Variants in SLC1A1 observed in about 807,000 individuals in gnomAD.
SLC1A1 encodes the protein solute carrier family 1 member 1, also known as excitatory amino acid transporter 3.
A neutral mutation model predicts 53.3 loss-of-function variants in SLC1A1; 43 were observed. The observed-to-expected ratio is 0.81, with a 90% CI of 0.63 to 1.04. The LOEUF is 1.04. SLC1A1 is among the 50% of genes least tolerant of loss of function. The probability of loss-of-function intolerance (pLI) is 0.00; values close to 1 mark genes in which losing one functional copy is unlikely to be tolerated. For synonymous variants in SLC1A1, 307 were observed against 243.2 expected (o/e 1.26, Z -2.44); for missense variants, 748 against 664.9 (o/e 1.12, Z -1.37).
chr9:4,572,800 C>A (rs1477760937), intron 7 of SLC1A1, among the ~76,000 whole-genome samples: 2 of 152,196 alleles, frequency 1.3e-5, no homozygotes. Flanking sequence ...CTACCCACTT[C>A]ATCCTCCCAA....
At chr9:4,560,981 G>C (rs189627387) in intron 2 of SLC1A1, among the ~76,000 whole-genome samples, 30 of 150,258 alleles carry the variant, frequency 2.0e-4, no homozygotes, top group African/African-American at 6.3e-4. Context: ...GGGTGACAGA[G>C]TAAGACTCTG....
At chr9:4,566,123 C>A in intron 5 of SLC1A1, 34 bp downstream of exon 5, 2 of 1,566,414 alleles carry the variant, frequency 1.3e-6, no homozygotes, top group Non-Finnish European at 1.8e-6. Flanking sequence ...TAACTTGCTA[C>A]CCTCTTCCCA....
At chr9:4,528,490 G>A (rs984813110) in intron 1 of SLC1A1, among the ~76,000 whole-genome samples, 2 of 152,076 alleles carry the variant, frequency 1.3e-5, no homozygotes, top group African/African-American at 4.8e-5. Context: ...GCAGGAGAAT[G>A]GCGTGAACCC....
chr9:4,496,109 G>C (rs948306930), intron 1 of SLC1A1, among the ~76,000 whole-genome samples: 12 of 152,166 alleles, frequency 7.9e-5, no homozygotes, highest in Non-Finnish European at 1.0e-4. Context: ...AGGGAGAAGA[G>C]AAGACCAAAG....
chr9:4,514,533 G>C (rs748581412), intron 1 of SLC1A1, among the ~76,000 whole-genome samples: 3 of 152,150 alleles, frequency 2.0e-5, no homozygotes, highest in African/African-American at 7.2e-5. Flanking sequence ...CACTTGGGCT[G>C]AGTTTTGAAG....
intron 1 of SLC1A1, among the ~76,000 whole-genome samples, chr9:4,517,521 G>T (rs150507790): frequency 1.3e-5 from 2 of 152,304 alleles, no homozygotes; most frequent in East Asian, 3.9e-4. Flanking sequence ...TGTGTTCCAC[G>T]TGCTGATTTC....
chr9:4,580,753 T>TA (rs954401760), intron 10 of SLC1A1, among the ~76,000 whole-genome samples: 3 of 151,852 alleles, frequency 2.0e-5, no homozygotes, highest in Non-Finnish European at 4.4e-5. Context: ...GTAGTTGTTG[T>TA]AATAGTTGTT....
chr9:4,502,381 T>A (rs903862443), intron 1 of SLC1A1, among the ~76,000 whole-genome samples: 11 of 83,632 alleles, frequency 1.3e-4, no homozygotes, highest in Non-Finnish European at 2.1e-4. Context: ...AATGAGACCC[T>A]GTCTCCAGAA....
chr9:4,559,740 A>G (rs1281461250), intron 2 of SLC1A1: 1 of 152,084 alleles, frequency 6.6e-6, no homozygotes, highest in African/African-American at 2.4e-5. Flanking sequence ...ATGCAAAATC[A>G]TTTTCTATAA....
intron 1 of SLC1A1, among the ~76,000 whole-genome samples, chr9:4,518,045 T>TG (rs1815923123): frequency 6.6e-6 from 1 of 151,770 alleles, no homozygotes; most frequent in Admixed American, 6.6e-5. Context: ...CTGGCCAACA[T>TG]GGGGAAACTC....
Position 4,549,076 on chromosome 9 carries a change from AC to A in SLC1A1, c.232+4370del, listed in dbSNP as rs1318728108. Among the ~76,000 whole-genome samples, 1 of 152,188 alleles carries A rather than the reference AC, an allele frequency of 6.6e-6. No homozygotes were observed. The highest frequency in any genetic ancestry group is 2.4e-5 in the African/African-American group (1 of 41,456). ...TTTAAATTCAGGTCACATTTTCTTT[AC>A]TACTTCCCAAAATTAAACTATGATG... is the stretch of plus-strand genomic sequence containing the variant. On this transcript the variant is annotated intron_variant, in intron 2 of 11. Coordinates refer to ENST00000262352, the MANE Select transcript of SLC1A1 (RefSeq NM_004170.6). The surrounding 1 kb of genome is among the most constrained non-coding windows in gnomAD (Gnocchi z 4.1).
intron 1 of SLC1A1, among the ~76,000 whole-genome samples, chr9:4,492,335 G>A (rs1363436560): frequency 6.6e-6 from 1 of 152,090 alleles, no homozygotes; most frequent in Non-Finnish European, 1.5e-5. Flanking sequence ...ACTGAGAGAT[G>A]CCAGGGCAAG....
chr9:4,500,691 TA>T (rs1820601753), intron 1 of SLC1A1, among the ~76,000 whole-genome samples: 1 of 152,172 alleles, frequency 6.6e-6, no homozygotes, highest in Non-Finnish European at 1.5e-5. Context: ...TACTCTGTTG[TA>T]ATTAGTACAG....
At chr9:4,558,819 T>A (rs1446209255) in intron 2 of SLC1A1, among the ~76,000 whole-genome samples, 2 of 152,122 alleles carry the variant, frequency 1.3e-5, no homozygotes, top group African/African-American at 4.8e-5. Context: ...AAACTGGACA[T>A]CTACCAAAGA....
chr9:4,501,632 T>C (rs1820634896), intron 1 of SLC1A1, among the ~76,000 whole-genome samples: 1 of 151,486 alleles, frequency 6.6e-6, no homozygotes. Context: ...GGTATGGTGG[T>C]GCATGCCTGT....
chr9:4,509,151 G>A (rs1459474025), intron 1 of SLC1A1, among the ~76,000 whole-genome samples: 1 of 152,046 alleles, frequency 6.6e-6, no homozygotes. Context: ...GGCGATCTGT[G>A]TGAACAAGAG....
In SLC1A1 at chr9:4,522,314, G is replaced by A. The variant is rs1193606161; in HGVS notation, c.92-22253G>A. The stretch of plus-strand genomic sequence containing the variant: ...GATCTGCCCGCCTCAGCCTCCCAAA[G>A]TGCTGGGATTACAGGTGTGAGCCAC... On this transcript the variant is annotated intron_variant, in intron 1 of 11. Transcript: ENST00000262352. 2.0e-5 allele frequency among the ~76,000 whole-genome samples: 3 copies of A among 152,148 alleles called. No homozygotes were observed. In the South Asian group the frequency reaches 6.2e-4, roughly 32 times the overall value.
At chr9:4,528,029 C>T (rs1816325171) in intron 1 of SLC1A1, among the ~76,000 whole-genome samples, 1 of 152,194 alleles carries the variant, frequency 6.6e-6, no homozygotes, top group Non-Finnish European at 1.5e-5. Context: ...CTCTCGTCAC[C>T]CCCTAGTTTT....
At chr9:4,576,797 G>C in intron 10 of SLC1A1, 34 bp downstream of exon 10, 1 of 1,575,332 alleles carries the variant, frequency 6.3e-7, no homozygotes, top group Non-Finnish European at 8.7e-7. Context: ...TGTCATCACT[G>C]ATACAGGGAT....
Sources: allele counts gnomAD v4.1 joint callset (sites outside exome capture counted in the v4.1 genomes callset), GRCh38; gene constraint gnomAD v4.1.1; non-coding constraint Gnocchi (gnomAD v3.1); transcripts MANE v1.5; gene names NCBI Gene and HGNC (gene_info 2026-07-23, HGNC 2026-07-21).